Variants in INPP4B observed in about 807,000 individuals in gnomAD.
The protein encoded by INPP4B is inositol polyphosphate-4-phosphatase type II B.
INPP4B carries 55 observed loss-of-function variants against 122.5 expected under a neutral mutation model. The observed-to-expected ratio is 0.45, with a 90% CI of 0.36 to 0.56. The LOEUF is 0.56. INPP4B is among the 20% of genes least tolerant of loss of function. The pLI is 0.00. For synonymous variants in INPP4B, 403 were observed against 388.7 expected (o/e 1.04, Z -0.43); for missense variants, 1,000 against 1,097.7 (o/e 0.91, Z 1.26).
At chr4:142,231,018 G>A (rs539941633) in intron 12 of INPP4B, among the ~76,000 whole-genome samples, 23 of 152,318 alleles carry the variant, frequency 1.5e-4, no homozygotes, top group Middle Eastern at 3.4e-3. Context: ...CTTGAATTCA[G>A]AAGGTGTTAA....
intron 7 of INPP4B, among the ~76,000 whole-genome samples, chr4:142,393,786 C>T (rs190695477): frequency 3.3e-5 from 5 of 152,298 alleles, no homozygotes; most frequent in East Asian, 1.9e-4. Flanking sequence ...AGGCAAAGGC[C>T]GATCTGTAAC....
intron 25 of INPP4B, among the ~76,000 whole-genome samples, chr4:142,037,446 G>A (rs1744679007): frequency 6.6e-6 from 1 of 152,074 alleles, no homozygotes; most frequent in Non-Finnish European, 1.5e-5. Flanking sequence ...TTCTCCTGCT[G>A]GGTAGTTATT....
At chr4:142,345,248 C>T (rs1779942955) in intron 7 of INPP4B, among the ~76,000 whole-genome samples, 1 of 151,910 alleles carries the variant, frequency 6.6e-6, no homozygotes, top group Non-Finnish European at 1.5e-5. Flanking sequence ...GCAGCAGATA[C>T]ATTTATAACT....
At chr4:142,362,501 C>T (rs1785802662) in intron 7 of INPP4B, among the ~76,000 whole-genome samples, 1 of 151,694 alleles carries the variant, frequency 6.6e-6, no homozygotes, top group Non-Finnish European at 1.5e-5. Flanking sequence ...TTATTTATGT[C>T]CAAATTGGGA....
At chr4:142,158,723 T>TAA (rs1277372723) in intron 17 of INPP4B, among the ~76,000 whole-genome samples, 2 of 151,140 alleles carry the variant, frequency 1.3e-5, no homozygotes, top group Non-Finnish European at 2.9e-5. Flanking sequence ...AAATACTTAA[T>TAA]AAAAGGTTTC....
chr4:142,261,442 T>A (rs1015084990), intron 10 of INPP4B, among the ~76,000 whole-genome samples: 7 of 152,092 alleles, frequency 4.6e-5, no homozygotes, highest in Middle Eastern at 3.4e-3. Flanking sequence ...ATTTTTAGAG[T>A]AAATATACCC....
chr4:142,169,226 G>A (rs1561359123), intron 16 of INPP4B, among the ~76,000 whole-genome samples: 1 of 151,036 alleles, frequency 6.6e-6, no homozygotes, highest in Non-Finnish European at 1.5e-5. Context: ...CCATTTAAAG[G>A]CAATTATGAA....
At chr4:142,728,527 C>A (rs1340615435) in intron 1 of INPP4B, among the ~76,000 whole-genome samples, 1 of 152,066 alleles carries the variant, frequency 6.6e-6, no homozygotes, top group African/African-American at 2.4e-5. Flanking sequence ...AATAAGGTGG[C>A]CCCTTAAACT....
chr4:142,060,654 C>T (rs1020482080), intron 25 of INPP4B, among the ~76,000 whole-genome samples: 9 of 152,064 alleles, frequency 5.9e-5, no homozygotes, highest in African/African-American at 1.4e-4. Flanking sequence ...AGACTTAATC[C>T]GTAGGTTAAA....
chr4:142,601,049 A>G (rs908402394), intron 2 of INPP4B, among the ~76,000 whole-genome samples: 3 of 152,184 alleles, frequency 2.0e-5, no homozygotes, highest in Non-Finnish European at 4.4e-5. Flanking sequence ...GATTCATAAA[A>G]CAAATCTTAC....
In INPP4B at chr4:142,193,292, A is replaced by C. The variant is rs1459315346; in HGVS notation, c.1073-97T>G. ...CATACCTATTGTAGGAAGTATGAGAAATTATTCTGTTTAATTTTTTAGGAA... is the reference window on the plus strand; with the variant it reads ...CATACCTATTGTAGGAAGTATGAGACATTATTCTGTTTAATTTTTTAGGAA... On this transcript the variant is annotated intron_variant, in intron 14 of 25. Transcript: ENST00000262992. The C allele has an allele frequency of 1.1e-5, 7 of 657,946 alleles. No homozygotes were observed. In the East Asian group the frequency reaches 1.8e-4, roughly 17 times the overall value. The allele number at this position is 657,946 out of a possible 1,614,324, so 40.8% of individuals were successfully genotyped here.
chr4:142,297,458 T>C (rs1759251679), intron 9 of INPP4B, among the ~76,000 whole-genome samples: 1 of 152,230 alleles, frequency 6.6e-6, no homozygotes, highest in Non-Finnish European at 1.5e-5. Flanking sequence ...AAATTCCTCA[T>C]GGCTTAGTGC....
intron 2 of INPP4B, among the ~76,000 whole-genome samples, chr4:142,641,159 C>T (rs1255445755): frequency 6.6e-6 from 1 of 152,042 alleles, no homozygotes; most frequent in Non-Finnish European, 1.5e-5. Context: ...ATTGTCACAA[C>T]TGGAAACAAC....
chr4:142,688,924 C>A (rs1759754494), intron 2 of INPP4B, among the ~76,000 whole-genome samples: 1 of 152,214 alleles, frequency 6.6e-6, no homozygotes. Context: ...TAAGCTGGCT[C>A]ATCTGGTCTC....
intron 10 of INPP4B, among the ~76,000 whole-genome samples, chr4:142,261,503 T>C (rs1739981922): frequency 2.0e-5 from 3 of 152,060 alleles, no homozygotes; most frequent in Non-Finnish European, 1.5e-5. Flanking sequence ...CACACAAAAA[T>C]TGCAGAAAGT....
chr4:142,591,738 G>A (rs1457991943), intron 2 of INPP4B, among the ~76,000 whole-genome samples: 3 of 152,174 alleles, frequency 2.0e-5, no homozygotes, highest in African/African-American at 4.8e-5. Context: ...CCCTCGATAT[G>A]ATGTTGATGA....
At chr4:142,142,580 G>A (rs892184270) in intron 18 of INPP4B, among the ~76,000 whole-genome samples, 4 of 152,028 alleles carry the variant, frequency 2.6e-5, no homozygotes, top group Non-Finnish European at 5.9e-5. Flanking sequence ...AAGTCAGTGA[G>A]TAAAACAAGT....
chr4:142,152,520 A>C (rs1227063108), intron 17 of INPP4B, among the ~76,000 whole-genome samples: 2 of 152,188 alleles, frequency 1.3e-5, no homozygotes, highest in Non-Finnish European at 2.9e-5. Context: ...GAAAAAGAGG[A>C]TAATTCTTCC....
chr4:142,790,847 A>T (rs1776445955), intron 1 of INPP4B, among the ~76,000 whole-genome samples: 1 of 151,962 alleles, frequency 6.6e-6, no homozygotes, highest in Admixed American at 6.6e-5. Flanking sequence ...TCTTTTTAAG[A>T]CCTTGAAAGG....
Sources: gnomAD v4.1 joint callset for allele counts (sites outside exome capture counted in the v4.1 genomes callset) on GRCh38, gnomAD v4.1.1 for gene constraint, MANE v1.5 for transcripts, NCBI Gene and HGNC (gene_info 2026-07-23, HGNC 2026-07-21) for gene names.